The following BRINP3 variants were observed in gnomAD, a reference collection of about 807,000 sequenced individuals.
The protein encoded by BRINP3 is BMP/retinoic acid-inducible neural-specific protein 3.
A neutral mutation model predicts 71.0 loss-of-function variants in BRINP3; 19 were observed. That is an observed-to-expected ratio of 0.27 (90% CI 0.19 to 0.39). The LOEUF (loss-of-function observed/expected upper bound fraction) is 0.39. Ranked by LOEUF, BRINP3 falls within the 10% of genes least tolerant of loss-of-function variation. The probability of loss-of-function intolerance (pLI) is 1.00; values close to 1 mark genes in which losing one functional copy is unlikely to be tolerated. For missense variants in BRINP3, 959 were observed against 940.8 expected (o/e 1.02, Z -0.25); for synonymous variants, 380 against 337.7 (o/e 1.13, Z -1.37).
intron 2 of BRINP3, among the ~76,000 whole-genome samples, chr1:190,351,161 A>T (rs1038606215): frequency 1.3e-5 from 2 of 152,034 alleles, no homozygotes; most frequent in Non-Finnish European, 2.9e-5. Context: ...GTAGACAAAG[A>T]ATGTCACTTA....
At chr1:190,271,736 C>G (rs1473987594) in intron 3 of BRINP3, among the ~76,000 whole-genome samples, 1 of 151,508 alleles carries the variant, frequency 6.6e-6, no homozygotes, top group Non-Finnish European at 1.5e-5. Context: ...TACCGCATTT[C>G]TACATATGTC....
intron 7 of BRINP3, among the ~76,000 whole-genome samples, chr1:190,125,725 G>GAGAT (rs2102333653): frequency 1.3e-5 from 2 of 152,090 alleles, no homozygotes; most frequent in East Asian, 3.9e-4. Flanking sequence ...GCTGAGTACA[G>GAGAT]AGATAGCCAG....
chr1:190,161,707 A>G (rs927126840), intron 6 of BRINP3, among the ~76,000 whole-genome samples: 1 of 152,138 alleles, frequency 6.6e-6, no homozygotes, highest in Non-Finnish European at 1.5e-5. Context: ...AGATAGTTGA[A>G]ATAATTTTCT....
At chr1:190,405,108 T>A (rs74751952) in intron 2 of BRINP3, among the ~76,000 whole-genome samples, 2,487 of 152,208 alleles carry the variant, frequency 0.016, 73 homozygotes, top group African/African-American at 0.056. Flanking sequence ...ATCTTAGGAT[T>A]AATTATTCCA....
At chr1:190,206,573 C>A (rs143782270) in intron 6 of BRINP3, among the ~76,000 whole-genome samples, 13 of 152,128 alleles carry the variant, frequency 8.5e-5, no homozygotes, top group African/African-American at 3.1e-4. Flanking sequence ...CCTCACAACT[C>A]GATATTAATG....
intron 7 of BRINP3, among the ~76,000 whole-genome samples, chr1:190,102,963 G>A (rs1651826387): frequency 6.6e-6 from 1 of 151,902 alleles, no homozygotes; most frequent in Admixed American, 6.6e-5. Flanking sequence ...TGACATACTA[G>A]TTTGAAATGT....
At chr1:190,274,158 C>A (rs987880535) in intron 3 of BRINP3, among the ~76,000 whole-genome samples, 1 of 151,426 alleles carries the variant, frequency 6.6e-6, no homozygotes, top group African/African-American at 2.4e-5. Flanking sequence ...TCCCAAGACA[C>A]ATAGATCAGA....
intron 2 of BRINP3, among the ~76,000 whole-genome samples, chr1:190,384,842 A>G (rs1571915594): frequency 6.6e-6 from 1 of 152,006 alleles, no homozygotes; most frequent in Non-Finnish European, 1.5e-5. Flanking sequence ...TCTCAGATTT[A>G]TCATATAAGA....
chr1:190,333,134 T>C (rs1667073153), intron 2 of BRINP3, among the ~76,000 whole-genome samples: 1 of 151,942 alleles, frequency 6.6e-6, no homozygotes, highest in Non-Finnish European at 1.5e-5. Flanking sequence ...TTTGAAAAAA[T>C]GATCTTATTT....
At chr1:190,385,026 C>A (rs1167394386) in intron 2 of BRINP3, among the ~76,000 whole-genome samples, 3 of 151,852 alleles carry the variant, frequency 2.0e-5, no homozygotes, top group African/African-American at 7.3e-5. Flanking sequence ...ATGTAGAAAG[C>A]TGAAACTGGA....
chr1:190,409,765 A>G (rs564751314), intron 2 of BRINP3, among the ~76,000 whole-genome samples: 18 of 152,296 alleles, frequency 1.2e-4, no homozygotes, highest in Admixed American at 3.3e-4. Flanking sequence ...CTGAAGAAAT[A>G]AAGAGGGAAA....
chr1:190,220,539 AT>A (rs575478870), intron 6 of BRINP3, among the ~76,000 whole-genome samples: 2 of 152,102 alleles, frequency 1.3e-5, no homozygotes, highest in African/African-American at 2.4e-5. Context: ...TTAAAGTATA[AT>A]TTTTTTTAAA....
chr1:190,239,246 A>G (rs1658825256), intron 4 of BRINP3, among the ~76,000 whole-genome samples: 1 of 152,176 alleles, frequency 6.6e-6, no homozygotes, highest in South Asian at 2.1e-4. Context: ...GGCAATCAGT[A>G]ATACAATGTG....
At chr1:190,224,250 C>T (rs1657133457) in intron 6 of BRINP3, among the ~76,000 whole-genome samples, 1 of 151,796 alleles carries the variant, frequency 6.6e-6, no homozygotes, top group African/African-American at 2.4e-5. Context: ...TACTACAAAG[C>T]TATCACAATC....
chr1:190,331,329 T>G (rs1558188257), intron 2 of BRINP3, among the ~76,000 whole-genome samples: 1 of 152,050 alleles, frequency 6.6e-6, no homozygotes, highest in South Asian at 2.1e-4. Flanking sequence ...TTTTAACCTA[T>G]GCATAATAAC....
intron 5 of BRINP3, among the ~76,000 whole-genome samples, chr1:190,231,479 T>C (rs1318046474): frequency 6.6e-6 from 1 of 151,740 alleles, no homozygotes; most frequent in Non-Finnish European, 1.5e-5. Flanking sequence ...AATTATTCAT[T>C]TTCTCAAGGT....
intron 4 of BRINP3, among the ~76,000 whole-genome samples, chr1:190,260,726 T>A (rs1180722201): frequency 6.6e-6 from 1 of 152,104 alleles, no homozygotes; most frequent in Non-Finnish European, 1.5e-5. Flanking sequence ...ATTTCAGAAA[T>A]GTAAATTTAG....
intron 2 of BRINP3, among the ~76,000 whole-genome samples, chr1:190,315,900 TC>T (rs1417164990): frequency 6.6e-6 from 1 of 152,102 alleles, no homozygotes; most frequent in Non-Finnish European, 1.5e-5. Flanking sequence ...AAACAATACT[TC>T]CCAGCCTCTC....
chr1:190,358,436 A>G (rs918313730), intron 2 of BRINP3, among the ~76,000 whole-genome samples: 5 of 152,168 alleles, frequency 3.3e-5, no homozygotes, highest in African/African-American at 7.2e-5. Context: ...GGCCATCAGC[A>G]AAATGCAAAT....
Sources: allele counts gnomAD v4.1 joint callset (sites outside exome capture counted in the v4.1 genomes callset), GRCh38; gene constraint gnomAD v4.1.1; transcripts MANE v1.5; gene names NCBI Gene and HGNC (gene_info 2026-07-23, HGNC 2026-07-21).